STAG1: variants seen among roughly 807,000 people sequenced by gnomAD.
STAG1 encodes the protein STAG1 cohesin complex component, also known as cohesin subunit SA-1.
Under a neutral mutation model 170.9 loss-of-function variants are expected in STAG1, and 26 were observed. The observed-to-expected ratio is 0.15, with a 90% CI of 0.11 to 0.21. STAG1 has a LOEUF of 0.21. Among genes scored for constraint, STAG1 ranks in the 10% least tolerant of loss-of-function variants. The pLI is 1.00. For missense variants in STAG1, 964 were observed against 1,509.5 expected (o/e 0.64, Z 5.99); for synonymous variants, 514 against 497.7 (o/e 1.03, Z -0.44).
At position 136,367,045 on chromosome 3, in the gene STAG1, G is replaced by A. The variant is rs763121784; in HGVS notation, c.2583C>T (p.Ala861=). The A allele has an allele frequency of 2.5e-6, 4 of 1,610,334 alleles. No individual in the cohort carries two copies. Among genetic ancestry groups the A allele is most frequent in the Admixed American group, 3.3e-5 (2 of 59,812 alleles). The part of the protein sequence containing the change: ...DEEDEANKIE[A]LHKRRNLLAA... ...CAAGTAGATTCCTTCTTTTATGTAA[G>A]GCCTCAATTTTATTAGCTTCATCTT... Residue 861 remains alanine, a synonymous_variant, in exon 25 of 34, where the codon GCC becomes GCT. Transcript: ENST00000383202.
chr3:136,596,459 G>A (rs1391263284), intron 4 of STAG1, among the ~76,000 whole-genome samples: 1 of 151,858 alleles, frequency 6.6e-6, no homozygotes, highest in Admixed American at 6.6e-5. Flanking sequence ...ATACACTATA[G>A]GGTAAATATA....
chr3:136,591,106 T>G (rs1938143716), intron 4 of STAG1, among the ~76,000 whole-genome samples: 1 of 150,990 alleles, frequency 6.6e-6, no homozygotes, highest in African/African-American at 2.4e-5. Flanking sequence ...TGCTGCAAAA[T>G]TATCAAAGAC....
At chr3:136,559,215 G>T (rs1936744894) in intron 5 of STAG1, among the ~76,000 whole-genome samples, 1 of 151,984 alleles carries the variant, frequency 6.6e-6, no homozygotes, top group Admixed American at 6.6e-5. Flanking sequence ...AAAATAGATT[G>T]CTAAAGAGAA....
At chr3:136,667,940 C>T (rs1293721376) in intron 1 of STAG1, among the ~76,000 whole-genome samples, 1 of 152,102 alleles carries the variant, frequency 6.6e-6, no homozygotes, top group Non-Finnish European at 1.5e-5. Flanking sequence ...GTAATCCCAG[C>T]ACTTTGGGAA....
chr3:136,548,582 T>C (rs1352236092), intron 5 of STAG1, among the ~76,000 whole-genome samples: 1 of 152,238 alleles, frequency 6.6e-6, no homozygotes, highest in Non-Finnish European at 1.5e-5. Context: ...GGAATTTTGA[T>C]AGAAATTTCA....
intron 13 of STAG1, among the ~76,000 whole-genome samples, chr3:136,460,692 A>C (rs2089249769): frequency 1.3e-5 from 2 of 150,962 alleles, no homozygotes; most frequent in African/African-American, 4.9e-5. Flanking sequence ...TCCCCCCCCA[A>C]AAAAAAAAGC....
rs1311266213 is a variant in STAG1 at position 136,481,103 on chromosome 3, C to T, written c.903-3691G>A. On this transcript the variant is annotated intron_variant, in intron 9 of 33. Coordinates refer to ENST00000383202, the MANE Select transcript of STAG1 (RefSeq NM_005862.3). The stretch of plus-strand genomic sequence containing the variant: ...TCCTGCCTGATTGCCCTGGCCAGAA[C>T]TTCCAACACTATGTTGAATAGGAGC... 5.2e-3 allele frequency among the ~76,000 whole-genome samples: 152 copies of T among 29,356 alleles called. 3 individuals carry two copies. Among genetic ancestry groups the T allele is most frequent in the African/African-American group, 0.019 (142 of 7,664 alleles). The allele number at this position is 29,356 out of a possible 152,430, so 19.3% of individuals were successfully genotyped here. A position where few individuals can be genotyped will look rare whatever the true frequency, so the allele number is the denominator to read the frequency against.
rs397819185 is a variant in STAG1, at chr3:136,602,381, C to CAA, written c.297+1926_297+1927dup. Among the ~76,000 whole-genome samples, 201 of 81,742 alleles carry CAA rather than the reference C, an allele frequency of 2.5e-3. 1 individual carries two copies. Among genetic ancestry groups the CAA allele is most frequent in the Admixed American group, 7.0e-3 (51 of 7,338 alleles). 53.6% of individuals were successfully genotyped at this position (81,742 alleles called of 152,430 possible). On this transcript the variant is annotated intron_variant, in intron 4 of 33. Transcript: ENST00000383202. ...CGACAGAGAGACACTCCATCTCAAA[C>CAA]AAAAAAAAAAAAAAAGAGAGAGAGA...
At chr3:136,631,126 T>C (rs777553745) in intron 1 of STAG1, 145 bp from the exon 2 acceptor site, 6 of 457,144 alleles carry the variant, frequency 1.3e-5, no homozygotes, top group Non-Finnish European at 1.9e-5. Flanking sequence ...CAGATGTTTA[T>C]AGCAGTTTTA....
At chr3:136,691,134 CA>C (rs1649323819) in intron 1 of STAG1, among the ~76,000 whole-genome samples, 1 of 151,416 alleles carries the variant, frequency 6.6e-6, no homozygotes, top group Non-Finnish European at 1.5e-5. Context: ...CTCATCTCCA[CA>C]AAAAATACAA....
At chr3:136,359,096 T>C (rs1936762619) in intron 27 of STAG1, 52 bp downstream of exon 27, 2 of 1,473,026 alleles carry the variant, frequency 1.4e-6, no homozygotes, top group Non-Finnish European at 1.8e-6. Context: ...AGTTATTTCA[T>C]TAAAATTCAA....
At position 136,531,877 on chromosome 3, in the gene STAG1, T is replaced by A. The variant is rs555860770; in HGVS notation, c.471+10242A>T. Among the ~76,000 whole-genome samples the A allele has an allele frequency of 4.0e-5, 6 of 148,528 alleles. No homozygotes were observed. In the South Asian group the frequency reaches 1.3e-3, roughly 32 times the overall value. On this transcript the variant is annotated intron_variant, in intron 6 of 33. Coordinates refer to ENST00000383202, the MANE Select transcript of STAG1 (RefSeq NM_005862.3). ...TATACATATGTAACTAACCTGCACA[T>A]TGTGCACATGTACCCTAAAACTTAA...
chr3:136,495,904 G>A (rs1933056891), intron 9 of STAG1, among the ~76,000 whole-genome samples: 2 of 149,832 alleles, frequency 1.3e-5, no homozygotes, highest in African/African-American at 4.9e-5. Flanking sequence ...GGGAGGCGGA[G>A]CTTGCAGAGA....
At chr3:136,446,409 CTTCA>C (rs891364083) in intron 14 of STAG1, among the ~76,000 whole-genome samples, 8 of 151,568 alleles carry the variant, frequency 5.3e-5, no homozygotes, top group African/African-American at 1.7e-4. Context: ...GGTTCTTTCC[CTTCA>C]TTGTTTTTTT....
intron 15 of STAG1, among the ~76,000 whole-genome samples, chr3:136,438,369 G>A (rs553488620): frequency 3.4e-4 from 51 of 151,454 alleles, no homozygotes; most frequent in East Asian, 2.3e-3. Context: ...ATGACAAGGC[G>A]CGTGCCACCA....
intron 22 of STAG1, among the ~76,000 whole-genome samples, chr3:136,390,849 A>C (rs952875829): frequency 2.6e-5 from 4 of 152,172 alleles, no homozygotes; most frequent in Admixed American, 1.3e-4. Context: ...GAAAAGAAAG[A>C]GCTACAGAAA....
chr3:136,723,154 T>C (rs1359536117), intron 1 of STAG1, among the ~76,000 whole-genome samples: 3 of 145,620 alleles, frequency 2.1e-5, no homozygotes, highest in Non-Finnish European at 4.5e-5. Context: ...CGGCCGCCCA[T>C]CGTCTGGGAC....
rs936930327 is a variant in STAG1, at chr3:136,369,247, G to A, written c.2406C>T (p.Phe802=). ...TGCCACCTGTCATTAATTGGTGGCT[G>A]AAAATCATCAGAAGATCACAGAGTA... The part of the protein sequence containing the change: ...FMLLCDLLMI[F]SHQLMTGGRE... The change falls in exon 24 of 34, where the codon TTC becomes TTT. Residue 802 remains phenylalanine, a synonymous_variant. Transcript: ENST00000383202. The A allele has an allele frequency of 6.2e-7, 1 of 1,601,512 alleles. No homozygotes were observed. Among genetic ancestry groups the A allele is most frequent in the Non-Finnish European group, 8.5e-7 (1 of 1,176,994 alleles).
intron 6 of STAG1, among the ~76,000 whole-genome samples, chr3:136,536,326 C>T (rs1397401367): frequency 1.3e-5 from 2 of 152,072 alleles, no homozygotes; most frequent in Admixed American, 6.6e-5. Context: ...TAGCCAGAAA[C>T]AAATTATATG....
Sources: gnomAD v4.1 joint callset for allele counts (sites outside exome capture counted in the v4.1 genomes callset) on GRCh38, gnomAD v4.1.1 for gene constraint, MANE v1.5 for transcripts, NCBI Gene and HGNC (gene_info 2026-07-23, HGNC 2026-07-21) for gene names.